VPS36: variants seen among roughly 807,000 people sequenced by gnomAD.
The protein encoded by VPS36 is vacuolar protein-sorting-associated protein 36.
VPS36 carries 31 observed loss-of-function variants against 63.5 expected under a neutral mutation model. The ratio of observed to expected loss-of-function variants is 0.49; its 90% CI spans 0.37 to 0.66. The LOEUF (loss-of-function observed/expected upper bound fraction) is 0.66. Ranked by LOEUF, VPS36 falls within the 30% of genes least tolerant of loss-of-function variation. The probability of loss-of-function intolerance (pLI) is 0.00; values close to 1 mark genes in which losing one functional copy is unlikely to be tolerated. For missense variants in VPS36, 338 were observed against 463.7 expected, an observed-to-expected ratio of 0.73 and a Z score of 2.49; for synonymous variants, 138 against 157.2, an observed-to-expected ratio of 0.88 and a Z score of 0.91.
At position 52,423,569 on chromosome 13, in the gene VPS36, C is replaced by T. The variant is rs1958066104; in HGVS notation, c.840+5G>A. ...TAAAAGAGTATTTAAATTTTCTATC[C>T]TTACTTCCATTCCTCGAGCTCGGTT... On this transcript the variant is annotated splice_donor_5th_base_variant and intron_variant, in intron 10 of 13. Coordinates refer to ENST00000378060, the MANE Select transcript of VPS36 (RefSeq NM_016075.4). 1 of 1,609,938 alleles carries T rather than the reference C, an allele frequency of 6.2e-7. No individual in the cohort carries two copies. The highest frequency in any genetic ancestry group is 1.7e-5 in the Admixed American group (1 of 59,868).
rs1177474744 is a variant in VPS36, at chr13:52,438,193, T to C, written c.236+905A>G. ...GGAACACAGGAAAGGAAAATTCAGA[T>C]AACCTGGAACAACCTTAAAGTTTAC... On this transcript the variant is annotated intron_variant, in intron 3 of 13. Coordinates refer to ENST00000378060, the MANE Select transcript of VPS36 (RefSeq NM_016075.4). 3.9e-5 allele frequency among the ~76,000 whole-genome samples: 6 copies of C among 152,104 alleles called. 1 individual carries two copies. The highest frequency in any genetic ancestry group is 2.6e-4 in the Admixed American group (4 of 15,268).
In VPS36 at chr13:52,433,516, T is replaced by A. The variant is rs1594119214; in HGVS notation, c.528+146A>T. 6.6e-6 allele frequency: 4 copies of A among 606,604 alleles called. No individual in the cohort carries two copies. The South Asian group carries it at 1.3e-4, about 20-fold the overall frequency. 37.6% of individuals were successfully genotyped at this position (606,604 alleles called of 1,614,324 possible). ...TTGGTTAGATTTTGCCAGCCCGAGG[T>A]AGACCTGTTAAAGAGAATAGGAGAC... On this transcript the variant is annotated intron_variant, in intron 6 of 13. Coordinates refer to ENST00000378060, the MANE Select transcript of VPS36 (RefSeq NM_016075.4).
intron 6 of VPS36, among the ~76,000 whole-genome samples, chr13:52,431,521 T>C (rs1958155722): frequency 6.6e-6 from 1 of 151,788 alleles, no homozygotes; most frequent in African/African-American, 2.4e-5. Context: ...TCCTAGCACT[T>C]TGGGAGGCCG....
At chr13:52,441,488 C>A (rs1287160674) in intron 2 of VPS36, among the ~76,000 whole-genome samples, 1 of 152,204 alleles carries the variant, frequency 6.6e-6, no homozygotes, top group Non-Finnish European at 1.5e-5. Flanking sequence ...CAAGGTGGCT[C>A]ACGACTGTGA....
At chr13:52,444,474 A>ATC (rs1394220380) in intron 1 of VPS36, among the ~76,000 whole-genome samples, 1 of 147,968 alleles carries the variant, frequency 6.8e-6, no homozygotes, top group Non-Finnish European at 1.5e-5. Flanking sequence ...ATACATATAT[A>ATC]TACATTTTTA....
chr13:52,433,840 G>C, intron 5 of VPS36, 92 bp from the exon 6 acceptor site: 1 of 1,103,754 alleles, frequency 9.1e-7, no homozygotes, highest in East Asian at 2.4e-5. Flanking sequence ...TCAATGGCGG[G>C]AAAGGACCTA....
chr13:52,418,685 CA>C lies in VPS36; in HGVS notation c.841-630del, dbSNP rs1566082189. Among the ~76,000 whole-genome samples, 3 of 148,062 alleles carry C rather than the reference CA, an allele frequency of 2.0e-5. No homozygotes were observed. In the South Asian group the frequency reaches 6.4e-4, roughly 32 times the overall value. On this transcript the variant is annotated intron_variant, in intron 10 of 13. Transcript: ENST00000378060. ...GAACCAATTCAACATATAATCAATA[CA>C]AAAAATTATTAATGAGATATTTAAC...
In VPS36 at chr13:52,413,754, T is replaced by A. The variant is rs986050925; in HGVS notation, c.*2076A>T. On this transcript the variant is annotated 3_prime_UTR_variant, in exon 14 of 14. Coordinates refer to ENST00000378060, the MANE Select transcript of VPS36 (RefSeq NM_016075.4). ...GAACTTTTTTGCACTTAGGGCCTGATTGGTTGTATTTAAACATAACTTCTA... is the reference window on the plus strand; with the variant it reads ...GAACTTTTTTGCACTTAGGGCCTGAATGGTTGTATTTAAACATAACTTCTA... 2.6e-5 allele frequency: 4 copies of A among 152,504 alleles called. No individual in the cohort carries two copies. Among genetic ancestry groups the A allele is most frequent in the Non-Finnish European group, 1.5e-5 (1 of 68,018 alleles). The allele number at this position is 152,504 out of a possible 1,614,324, so 9.4% of individuals were successfully genotyped here.
intron 6 of VPS36, 71 bp from the exon 7 acceptor site, chr13:52,427,290 C>T: frequency 6.5e-7 from 1 of 1,542,936 alleles, no homozygotes; most frequent in Non-Finnish European, 8.9e-7. Context: ...ATGAAGCACC[C>T]TCTATTTTTT....
intron 12 of VPS36, 89 bp from the exon 13 acceptor site, chr13:52,416,182 A>C: frequency 6.1e-6 from 7 of 1,156,196 alleles, no homozygotes; most frequent in South Asian, 1.4e-5. Flanking sequence ...GGCAGAATGT[A>C]TACCAGTATA....
At chr13:52,423,783 G>T in intron 9 of VPS36, 144 bp from the exon 10 acceptor site, 1 of 640,710 alleles carries the variant, frequency 1.6e-6, no homozygotes. Context: ...ATACAAAGGA[G>T]AACCTATTCA....
intron 10 of VPS36, among the ~76,000 whole-genome samples, 153 bp from the exon 11 acceptor site, chr13:52,418,209 C>T (rs1958011068): frequency 6.6e-6 from 1 of 152,036 alleles, no homozygotes; most frequent in Admixed American, 6.6e-5. Flanking sequence ...GACTTCTATT[C>T]CTTAAAGCAG....
intron 11 of VPS36, 143 bp downstream of exon 11, chr13:52,417,849 G>C (rs936991232): frequency 1.9e-5 from 12 of 642,794 alleles, no homozygotes; most frequent in Non-Finnish European, 3.1e-5. Flanking sequence ...GACATGCCCA[G>C]CCCTGATAAA....
chr13:52,435,195 T>C (rs924624781), intron 4 of VPS36, among the ~76,000 whole-genome samples: 1 of 152,008 alleles, frequency 6.6e-6, no homozygotes, highest in African/African-American at 2.4e-5. Flanking sequence ...GGTCTTGAAC[T>C]CTCGACCTCA....
At chr13:52,427,332 G>T (rs900688270) in intron 6 of VPS36, 113 bp from the exon 7 acceptor site, 2 of 1,121,182 alleles carry the variant, frequency 1.8e-6, no homozygotes, top group Non-Finnish European at 2.6e-6. Flanking sequence ...TCAGCCGGGC[G>T]CAGTGGCTCA....
chr13:52,416,265 T>C (rs751482911), intron 12 of VPS36, 172 bp from the exon 13 acceptor site: 2 of 648,808 alleles, frequency 3.1e-6, no homozygotes, highest in South Asian at 2.1e-5. Flanking sequence ...TTTTAACTAA[T>C]GCTTAATCCT....
Position 52,425,968 on chromosome 13 carries a change from G to C in VPS36, c.738C>G (p.Ala246=), listed in dbSNP as rs756169124. The C allele has an allele frequency of 6.2e-7, 1 of 1,613,916 alleles. No individual in the cohort carries two copies. The highest frequency in any genetic ancestry group is 1.1e-5 in the South Asian group (1 of 91,050). ...GSGTQYHMQL[A]KQLAGILQVP... ...CCTGCAATATTCCAGCCAGTTGTTT[G>C]GCCAGCTGCATGTGGTACTGTGTGC... The change falls in exon 9 of 14, where the codon GCC becomes GCG. Residue 246 remains alanine, a synonymous_variant. Coordinates refer to ENST00000378060, the MANE Select transcript of VPS36 (RefSeq NM_016075.4).
At chr13:52,431,555 G>T (rs907092660) in intron 6 of VPS36, among the ~76,000 whole-genome samples, 1 of 151,630 alleles carries the variant, frequency 6.6e-6, no homozygotes, top group Admixed American at 6.6e-5. Flanking sequence ...ACGAGGTCAG[G>T]AGTTCGAGAG....
intron 6 of VPS36, among the ~76,000 whole-genome samples, chr13:52,427,449 C>CA (rs1282849888): frequency 5.9e-5 from 9 of 151,544 alleles, no homozygotes; most frequent in South Asian, 2.1e-4. Flanking sequence ...ACTAAAAATA[C>CA]AAAAAAAATT....
Sources: allele counts gnomAD v4.1 joint callset (sites outside exome capture counted in the v4.1 genomes callset), GRCh38; gene constraint gnomAD v4.1.1; transcripts MANE v1.5; gene names NCBI Gene and HGNC (gene_info 2026-07-23, HGNC 2026-07-21).